The following AMPH variants were observed in gnomAD, a reference collection of about 807,000 sequenced individuals.
The protein encoded by AMPH is amphiphysin, also known as amphiphysin (Stiff-Mann syndrome with breast cancer 128kD autoantigen).
A neutral mutation model predicts 99.1 loss-of-function variants in AMPH; 49 were observed. The observed-to-expected ratio is 0.49, with a 90% CI of 0.39 to 0.63. The LOEUF (loss-of-function observed/expected upper bound fraction) is 0.63. Ranked by LOEUF, AMPH falls within the 20% of genes least tolerant of loss-of-function variation. The pLI is 0.00. For missense variants in AMPH, 759 were observed against 863.4 expected (o/e 0.88, Z 1.52); for synonymous variants, 314 against 317.3 (o/e 0.99, Z 0.11).
At chr7:38,561,499 G>C (rs1203954590) in intron 1 of AMPH, among the ~76,000 whole-genome samples, 1 of 152,176 alleles carries the variant, frequency 6.6e-6, no homozygotes, top group Admixed American at 6.5e-5. Context: ...GCGAAATGCT[G>C]GCATTCCTGA....
At chr7:38,484,004 T>C (rs1369762449) in intron 5 of AMPH, among the ~76,000 whole-genome samples, 12 of 151,896 alleles carry the variant, frequency 7.9e-5, no homozygotes, top group Non-Finnish European at 1.6e-4. Flanking sequence ...TTCAGTAGAA[T>C]ATTAGATCAA....
At chr7:38,480,987 G>A (rs1788262769) in intron 5 of AMPH, among the ~76,000 whole-genome samples, 1 of 152,148 alleles carries the variant, frequency 6.6e-6, no homozygotes, top group Admixed American at 6.5e-5. Context: ...ATGGAAGAGT[G>A]CACTGGGTAA....
intron 1 of AMPH, among the ~76,000 whole-genome samples, chr7:38,571,278 T>TATAGAA (rs1562835213): frequency 2.5e-5 from 1 of 39,430 alleles, no homozygotes; most frequent in East Asian, 7.9e-4. Context: ...TATATATATA[T>TATAGAA]TTTTATATAT....
intron 11 of AMPH, among the ~76,000 whole-genome samples, chr7:38,440,396 TAC>T (rs1475096493): frequency 6.6e-6 from 1 of 152,134 alleles, no homozygotes; most frequent in East Asian, 1.9e-4. Context: ...CACCCTCATA[TAC>T]ACACTACAAC....
intron 11 of AMPH, among the ~76,000 whole-genome samples, chr7:38,460,729 A>C (rs890719615): frequency 6.6e-6 from 1 of 152,210 alleles, no homozygotes; most frequent in African/African-American, 2.4e-5. Context: ...GGAGATAAAG[A>C]GAGGTTGGTT....
chr7:38,513,805 T>C (rs1239933884), intron 2 of AMPH, among the ~76,000 whole-genome samples: 4 of 152,214 alleles, frequency 2.6e-5, no homozygotes, highest in Non-Finnish European at 2.9e-5. Flanking sequence ...GTGTATTAGA[T>C]ACTTTCTCCT....
chr7:38,607,620 T>G (rs1793479443), intron 1 of AMPH, among the ~76,000 whole-genome samples: 1 of 152,144 alleles, frequency 6.6e-6, no homozygotes, highest in Non-Finnish European at 1.5e-5. Context: ...ACCAAGAGGC[T>G]CTGTTTCTAC....
intron 1 of AMPH, among the ~76,000 whole-genome samples, chr7:38,565,082 C>A (rs1431160869): frequency 6.0e-5 from 9 of 150,272 alleles, no homozygotes; most frequent in Admixed American, 6.0e-4. Context: ...CGAGATCGTG[C>A]CACTGCACTC....
At chr7:38,552,957 C>T (rs1416909136) in intron 1 of AMPH, among the ~76,000 whole-genome samples, 3 of 152,196 alleles carry the variant, frequency 2.0e-5, no homozygotes, top group Non-Finnish European at 2.9e-5. Context: ...GTTCCCTGTG[C>T]CCAGGGGAAC....
At chr7:38,431,406 C>T (rs1004539574) in intron 13 of AMPH, among the ~76,000 whole-genome samples, 2 of 152,096 alleles carry the variant, frequency 1.3e-5, no homozygotes, top group South Asian at 2.1e-4. Context: ...ACCTGTAATC[C>T]CAGCACTTTG....
At chr7:38,525,126 G>A (rs1790113755) in intron 2 of AMPH, among the ~76,000 whole-genome samples, 1 of 151,234 alleles carries the variant, frequency 6.6e-6, no homozygotes, top group Non-Finnish European at 1.5e-5. Context: ...GCAGTTGTGT[G>A]TGTGTGTATA....
chr7:38,473,924 C>T (rs1787988852), intron 7 of AMPH, among the ~76,000 whole-genome samples: 1 of 151,806 alleles, frequency 6.6e-6, no homozygotes, highest in Non-Finnish European at 1.5e-5. Flanking sequence ...TTGTTTAAAT[C>T]CTCTCTGGGG....
intron 20 of AMPH, 141 bp from the exon 21 acceptor site, chr7:38,385,066 T>C (rs938523960): frequency 1.1e-5 from 7 of 647,930 alleles, no homozygotes; most frequent in Middle Eastern, 2.6e-4. Context: ...TGTGCCGTGA[T>C]CAATGGGAAG....
chr7:38,590,386 G>T (rs754713689), intron 1 of AMPH, among the ~76,000 whole-genome samples: 1 of 152,130 alleles, frequency 6.6e-6, no homozygotes, highest in Admixed American at 6.5e-5. Context: ...CTGTGATGGC[G>T]GCATTCAGCA....
chr7:38,464,809 C>T (rs1012815471), intron 9 of AMPH, among the ~76,000 whole-genome samples: 6 of 152,190 alleles, frequency 3.9e-5, no homozygotes, highest in East Asian at 1.9e-4. Context: ...TCTCTGAGTA[C>T]GTAAAGTCTA....
chr7:38,427,722 G>T, intron 14 of AMPH: 1 of 351,482 alleles, frequency 2.8e-6, no homozygotes, highest in South Asian at 2.2e-5. Context: ...CAATCTGTTA[G>T]AGAGATCAGG....
intron 11 of AMPH, among the ~76,000 whole-genome samples, chr7:38,453,323 C>T (rs1787104820): frequency 6.6e-6 from 1 of 152,196 alleles, no homozygotes; most frequent in African/African-American, 2.4e-5. Flanking sequence ...AAAGCTCCCA[C>T]ATTCCTTTCC....
intron 1 of AMPH, among the ~76,000 whole-genome samples, chr7:38,566,898 G>C (rs1791764300): frequency 6.6e-6 from 1 of 152,170 alleles, no homozygotes; most frequent in Non-Finnish European, 1.5e-5. Flanking sequence ...AACAGATGCT[G>C]GAGAGGATGT....
intron 1 of AMPH, among the ~76,000 whole-genome samples, chr7:38,578,862 C>T (rs1792343758): frequency 6.6e-6 from 1 of 151,640 alleles, no homozygotes; most frequent in Admixed American, 6.5e-5. Context: ...TTTTTTCTTA[C>T]ATTTTTACAA....
Sources: gnomAD v4.1 joint callset for allele counts (sites outside exome capture counted in the v4.1 genomes callset) on GRCh38, gnomAD v4.1.1 for gene constraint, MANE v1.5 for transcripts, NCBI Gene and HGNC (gene_info 2026-07-23, HGNC 2026-07-21) for gene names.